Variants in BNIP5 observed in about 807,000 individuals in gnomAD.
BNIP5 encodes the protein protein BNIP5.
In BNIP5, 61 loss-of-function variants were observed where a neutral mutation model predicts 67.3. That is an observed-to-expected ratio of 0.91 (90% confidence interval 0.74 to 1.12). BNIP5 has a LOEUF of 1.12. Among genes scored for constraint, BNIP5 ranks in the 50% most tolerant of loss-of-function variants. The pLI, the probability that BNIP5 is intolerant of heterozygous loss-of-function variation, is 0.00. For missense variants in BNIP5, 826 were observed against 816.3 expected (o/e 1.01, Z -0.14); for synonymous variants, 317 against 319.0 (o/e 0.99, Z 0.07).
chr6:36,330,999 G>A (rs1053735833), intron 1 of BNIP5, among the ~76,000 whole-genome samples: 2 of 152,104 alleles, frequency 1.3e-5, no homozygotes, highest in Non-Finnish European at 2.9e-5. Flanking sequence ...CCCGACCTCA[G>A]GTGATCCGCC....
chr6:36,319,537 G>C lies in BNIP5; in HGVS notation c.1742C>G (p.Thr581Ser). The C allele has an allele frequency of 6.2e-7, 1 of 1,614,164 alleles. No homozygotes were observed. The highest frequency in any genetic ancestry group is 1.1e-5 in the South Asian group (1 of 91,076). The part of the protein sequence containing the change: ...SDSSLSKLVA[T>S]LRSQVAHSSK... ...GGAGTGAGCCACCTGGCTGCGCAGG[G>C]TGGCTACCAGCTTGCTGAGGGAGGA... The change falls in exon 11 of 12, where the codon ACC (threonine) becomes AGC (serine). Residue 581 changes from threonine to serine, a missense_variant. By Grantham distance (58) the Thr-to-Ser change is moderately conservative. Transcript: ENST00000437635.
chr6:36,323,264 G>T, intron 8 of BNIP5, 29 bp downstream of exon 8: 4 of 1,613,256 alleles, frequency 2.5e-6, no homozygotes, highest in African/African-American at 1.3e-5. Flanking sequence ...GGAAGCCTCT[G>T]TTACCATGGC....
Position 36,327,374 on chromosome 6 carries a change from G to C in BNIP5, c.728-280C>G, listed in dbSNP as rs578175284. The stretch of plus-strand genomic sequence containing the variant: ...CTTTGAAAGTCACAGATCTAGGAAC[G>C]TCTACTTTGGGTTCAGTAAGCTGTG... On this transcript the variant is annotated intron_variant, in intron 3 of 11. Coordinates refer to ENST00000437635, the MANE Select transcript of BNIP5 (RefSeq NM_001010903.5). 3.9e-5 allele frequency among the ~76,000 whole-genome samples: 6 copies of C among 152,306 alleles called. No homozygotes were observed. In the Middle Eastern group the frequency reaches 0.014, roughly 345 times the overall value.
At position 36,318,883 on chromosome 6, in the gene BNIP5, G is replaced by A. The variant is rs187333173; in HGVS notation, c.1923+473C>T. 5.3e-5 allele frequency among the ~76,000 whole-genome samples: 8 copies of A among 152,260 alleles called. No homozygotes were observed. The East Asian group carries it at 5.8e-4, about 11-fold the overall frequency. On this transcript the variant is annotated intron_variant, in intron 11 of 11. Transcript: ENST00000437635. The stretch of plus-strand genomic sequence containing the variant: ...ACCAAGGCCAGGTCAGTGAGTGATC[G>A]CCTCCTGGAAGCCTTCCAGAACCAA...
chr6:36,326,395 C>T (rs1399007017), intron 5 of BNIP5, 115 bp downstream of exon 5: 7 of 1,345,060 alleles, frequency 5.2e-6, no homozygotes, highest in Non-Finnish European at 7.1e-6. Context: ...GGGCAGAGTG[C>T]AAAAGTCAGA....
chr6:36,321,403 A>G (rs1771633803), intron 9 of BNIP5, among the ~76,000 whole-genome samples, 184 bp from the exon 10 acceptor site: 1 of 152,202 alleles, frequency 6.6e-6, no homozygotes, highest in African/African-American at 2.4e-5. Flanking sequence ...CTGGAGTATG[A>G]GAGACTTGTT....
At chr6:36,322,230 A>G in intron 9 of BNIP5, 81 bp downstream of exon 9, 5 of 1,555,598 alleles carry the variant, frequency 3.2e-6, no homozygotes, top group Non-Finnish European at 4.4e-6. Flanking sequence ...CCTCAGAACC[A>G]TCCCCTATTC....
At chr6:36,332,931 T>C (rs1771938376) in intron 1 of BNIP5, among the ~76,000 whole-genome samples, 1 of 152,254 alleles carries the variant, frequency 6.6e-6, no homozygotes, top group Non-Finnish European at 1.5e-5. Flanking sequence ...ACAGGTTGCC[T>C]GCTCTAATTT....
At position 36,317,393 on chromosome 6, in the gene BNIP5, T is replaced by C. The variant is rs760164828; in HGVS notation, c.1924-2A>G. On this transcript the variant is annotated splice_acceptor_variant, in intron 11 of 11. Coordinates refer to ENST00000437635, the MANE Select transcript of BNIP5 (RefSeq NM_001010903.5). LOFTEE classifies it high-confidence loss of function. ...TTCAACCTTAGGACTTGTGATGTTC[T>C]GGGAAGAGAAAAAGAACATAGGTGT... is the stretch of plus-strand genomic sequence containing the variant. The C allele has an allele frequency of 6.2e-7, 1 of 1,612,944 alleles. No individual in the cohort carries two copies. The highest frequency in any genetic ancestry group is 8.5e-7 in the Non-Finnish European group (1 of 1,178,920).
chr6:36,321,094 G>A, intron 10 of BNIP5, 61 bp downstream of exon 10: 3 of 1,178,552 alleles, frequency 2.5e-6, no homozygotes, highest in Non-Finnish European at 3.6e-6. Context: ...ACTTGGGGAT[G>A]GAACCCAGGT....
chr6:36,324,208 G>C lies in BNIP5; in HGVS notation c.1169-18C>G. The C allele has an allele frequency of 6.2e-7, 1 of 1,607,624 alleles. No individual in the cohort carries two copies. On this transcript the variant is annotated intron_variant, in intron 6 of 11. Transcript: ENST00000437635. ...GAATTCTTCTGAAAAAGATCAACAC[G>C]CATGGTTAACTTTGGTGCTACGAAA... is the stretch of plus-strand genomic sequence containing the variant.
intron 1 of BNIP5, among the ~76,000 whole-genome samples, chr6:36,333,057 C>T (rs1021431019): frequency 7.9e-5 from 12 of 152,108 alleles, no homozygotes; most frequent in South Asian, 2.1e-4. Flanking sequence ...TCTATAATTG[C>T]GATTTCTTAT....
chr6:36,327,041 A>C lies in BNIP5; in HGVS notation c.781T>G (p.Trp261Gly). 1.2e-6 allele frequency: 2 copies of C among 1,614,092 alleles called. No individual in the cohort carries two copies. Among genetic ancestry groups the C allele is most frequent in the Non-Finnish European group, 1.7e-6 (2 of 1,179,894 alleles). The change falls in exon 4 of 12, where the codon TGG (tryptophan) becomes GGG (glycine). Residue 261 changes from tryptophan to glycine, a missense_variant. By Grantham distance (184) the Trp-to-Gly change is radical. Transcript: ENST00000437635. Reference sequence around the variant, plus strand: ...AGTTTACTCCTCACCTCTTCTTCCCACTGGTCTCCCACTCTTTTGAGCAAT... The same window carrying C: ...AGTTTACTCCTCACCTCTTCTTCCCCCTGGTCTCCCACTCTTTTGAGCAAT... ...VELLKRVGDQ[W>G]EEEQSLASQL...
In BNIP5 at chr6:36,330,465, G is replaced by A. The variant is rs150652213; in HGVS notation, c.226C>T (p.Pro76Ser). 673 of 1,614,192 alleles carry A rather than the reference G, an allele frequency of 4.2e-4. 2 individuals carry two copies. The highest frequency in any genetic ancestry group is 2.5e-3 in the African/African-American group (187 of 75,060). The change falls in exon 2 of 12, where the codon CCC becomes TCC. Residue 76 changes from proline (P) to serine (S), a missense_variant. Physicochemically the swap from Pro to Ser is moderately conservative, Grantham distance 74. Coordinates refer to ENST00000437635, the MANE Select transcript of BNIP5 (RefSeq NM_001010903.5). Reference protein sequence around the residue: ...AEAHCTTAAAPTPEETGDFLP... With the variant: ...AEAHCTTAAASTPEETGDFLP... The stretch of plus-strand genomic sequence containing the variant: ...AAATCTCCGGTCTCCTCGGGAGTGG[G>A]GGCTGCAGCGGTGGTGCAGTGAGCC...
Position 36,330,245 on chromosome 6 carries a change from T to C in BNIP5, c.446A>G (p.His149Arg). 1 of 1,614,172 alleles carries C rather than the reference T, an allele frequency of 6.2e-7. No individual in the cohort carries two copies. ...CTTGCGGCTGGGCTTCTTGTCGTGG[T>C]GGGCTTTCTTCCTGAGGGCTGGCTC... ...AGEPALRKKA[H>R]HDKKPSRKKQ... The change falls in exon 2 of 12, where the codon CAC becomes CGC. Residue 149 changes from histidine (H) to arginine (R), a missense_variant. By Grantham distance (29) the His-to-Arg change is conservative (BLOSUM62 0). Transcript: ENST00000437635.
intron 8 of BNIP5, 115 bp downstream of exon 8, chr6:36,323,178 T>C (rs979443391): frequency 6.3e-6 from 9 of 1,428,762 alleles, no homozygotes; most frequent in African/African-American, 1.4e-5. Flanking sequence ...CAGTCAGGGC[T>C]TTCAGCAACA....
rs1771654881 is a variant in BNIP5, at chr6:36,322,344, C to T, written c.1570G>A (p.Gly524Arg). Residue 524 changes from glycine to arginine, a missense_variant, in exon 9 of 12, where the codon GGG becomes AGG. By Grantham distance (125) the Gly-to-Arg change is moderately radical (BLOSUM62 -2). Transcript: ENST00000437635. Reference sequence around the variant, plus strand: ...CATGCTCCACTCAGCTGAGGTGCCCCTTCTGGCGTGTGGCCTCTAGCCTGG... The same window carrying T: ...CATGCTCCACTCAGCTGAGGTGCCCTTTCTGGCGTGTGGCCTCTAGCCTGG... The part of the protein sequence containing the change: ...PSQARGHTPE[G>R]APQLSGACES... 1.2e-6 allele frequency: 2 copies of T among 1,614,194 alleles called. No homozygotes were observed. Among genetic ancestry groups the T allele is most frequent in the African/African-American group, 1.3e-5 (1 of 75,046 alleles).
intron 1 of BNIP5, among the ~76,000 whole-genome samples, chr6:36,331,605 A>C (rs1188461969): frequency 2.6e-5 from 4 of 152,172 alleles, no homozygotes; most frequent in Non-Finnish European, 4.4e-5. Flanking sequence ...TCCACGAGGC[A>C]GCTCCGTCAG....
chr6:36,334,676 G>A (rs1041920759), intron 1 of BNIP5, among the ~76,000 whole-genome samples: 4 of 152,140 alleles, frequency 2.6e-5, no homozygotes, highest in Non-Finnish European at 4.4e-5. Context: ...CAGTCTCTAA[G>A]CCCTGGGAAG....
Sources: allele counts gnomAD v4.1 joint callset (sites outside exome capture counted in the v4.1 genomes callset), GRCh38; gene constraint gnomAD v4.1.1; transcripts MANE v1.5; gene names NCBI Gene and HGNC (gene_info 2026-07-23, HGNC 2026-07-21).